Variants in POMT2 observed in about 807,000 individuals in gnomAD.
The protein encoded by POMT2 is protein O-mannosyl-transferase 2.
A neutral mutation model predicts 100.0 loss-of-function variants in POMT2; 75 were observed. The ratio of observed to expected loss-of-function variants is 0.75; its 90% CI spans 0.62 to 0.91. The LOEUF (loss-of-function observed/expected upper bound fraction) is 0.91, where lower values mean the gene tolerates loss of function less well. Among genes scored for constraint, POMT2 ranks in the 40% least tolerant of loss-of-function variants. POMT2 has a pLI of 0.00. For synonymous variants in POMT2, 378 were observed against 374.1 expected, an observed-to-expected ratio of 1.01 and a Z score of -0.12; for missense variants, 940 against 955.1, an observed-to-expected ratio of 0.98 and a Z score of 0.21.
At position 77,278,729 on chromosome 14, in the gene POMT2, C is replaced by T. The variant is rs538101421; in HGVS notation, c.2032G>A (p.Gly678Ser). The change falls in exon 19 of 21, where the codon GGC (glycine) becomes AGC (serine). Residue 678 changes from glycine (G) to serine (S), a missense_variant and splice_region_variant. Transcript: ENST00000261534. ...PAMLFSSMLT[G>S]ILWDTLLRLC... ...CCAAGTCCAGGTGGGTGGCACTGAC[C>T]TGTCAACATGCTTGAGAAGAGCATG... 6.2e-7 allele frequency: 1 copy of T among 1,613,950 alleles called. No individual in the cohort carries two copies. The highest frequency in any genetic ancestry group is 2.2e-5 in the East Asian group (1 of 44,886).
rs1211774089 is a variant in POMT2 at position 77,318,679 on chromosome 14, T to C, written c.248+1755A>G. ...GTGGCCTGCACTCCTCCAAGTAATA[T>C]GTTAGTGTAAGGAAGAATGGGTCAC... On this transcript the variant is annotated intron_variant, in intron 1 of 20. Coordinates refer to ENST00000261534, the MANE Select transcript of POMT2 (RefSeq NM_013382.7). Among the ~76,000 whole-genome samples the C allele has an allele frequency of 2.0e-5, 3 of 151,970 alleles. No homozygotes were observed. The East Asian group carries it at 5.8e-4, about 29-fold the overall frequency.
intron 1 of POMT2, among the ~76,000 whole-genome samples, chr14:77,319,903 G>A (rs189659334): frequency 6.6e-6 from 1 of 152,284 alleles, no homozygotes; most frequent in East Asian, 1.9e-4. Context: ...CCCAGTATCT[G>A]GATAGTACAA....
At chr14:77,284,870 A>G (rs967294978) in intron 14 of POMT2, 80 bp downstream of exon 14, 20 of 1,292,026 alleles carry the variant, frequency 1.5e-5, no homozygotes, top group Non-Finnish European at 1.8e-5. Flanking sequence ...AGCACAGTTT[A>G]CAAACGCTTA....
intron 9 of POMT2, among the ~76,000 whole-genome samples, chr14:77,292,513 C>T (rs1425155628): frequency 6.6e-6 from 1 of 152,136 alleles, no homozygotes; most frequent in African/African-American, 2.4e-5. Context: ...ACCAGGGCCG[C>T]AAAATAAATG....
chr14:77,318,246 C>T (rs1891698295), intron 1 of POMT2, among the ~76,000 whole-genome samples: 1 of 152,140 alleles, frequency 6.6e-6, no homozygotes, highest in Admixed American at 6.6e-5. Flanking sequence ...CAAGCAGCAA[C>T]TGTGGCTGGC....
intron 16 of POMT2, 118 bp downstream of exon 16, chr14:77,280,274 C>G: frequency 1.3e-6 from 2 of 1,565,560 alleles, no homozygotes. Context: ...CTCTGGCCAA[C>G]CCATCCCAGG....
At chr14:77,298,823 GA>G in intron 7 of POMT2, 52 bp from the exon 8 acceptor site, 1 of 1,525,382 alleles carries the variant, frequency 6.6e-7, no homozygotes, top group Non-Finnish European at 9.0e-7. Flanking sequence ...GTGAAAGTGT[GA>G]TTTCCCAGGA....
At position 77,275,003 on chromosome 14, in the gene POMT2, A is replaced by C. The variant is rs535972713; in HGVS notation, c.*2373T>G. On this transcript the variant is annotated 3_prime_UTR_variant, in exon 21 of 21. Transcript: ENST00000261534. ...ATAAAATCAGTGGCTTCTGATTAGAAGACTTTTTTTTTTTAAACCAAATAG... is the reference window on the plus strand; with the variant it reads ...ATAAAATCAGTGGCTTCTGATTAGACGACTTTTTTTTTTTAAACCAAATAG... The C allele has an allele frequency of 7.9e-5, 12 of 152,200 alleles. No homozygotes were observed. Among genetic ancestry groups the C allele is most frequent in the South Asian group, 4.2e-4 (2 of 4,804 alleles). The allele number at this position is 152,200 out of a possible 1,614,324, so 9.4% of individuals were successfully genotyped here.
chr14:77,280,546 T>A, intron 15 of POMT2, 83 bp from the exon 16 acceptor site: 1 of 1,605,234 alleles, frequency 6.2e-7, no homozygotes, highest in Admixed American at 1.7e-5. Context: ...TTTTCTGATA[T>A]AGGGCCAAGC....
rs962303563 is a variant in POMT2 at position 77,296,159 on chromosome 14, C to T, written c.1116+5G>A. ...GCCGTACAAGTGCACAAAAGGCTCA[C>T]TGACCTGCTGCTGACGGGCACCAAT... On this transcript the variant is annotated splice_donor_5th_base_variant and intron_variant, in intron 9 of 20. Coordinates refer to ENST00000261534, the MANE Select transcript of POMT2 (RefSeq NM_013382.7). 5.7e-6 allele frequency: 9 copies of T among 1,592,410 alleles called. No homozygotes were observed. Among genetic ancestry groups the T allele is most frequent in the Non-Finnish European group, 7.7e-6 (9 of 1,169,398 alleles).
chr14:77,308,367 T>TC (rs1208803835), intron 2 of POMT2, among the ~76,000 whole-genome samples: 29 of 150,202 alleles, frequency 1.9e-4, no homozygotes, highest in African/African-American at 6.8e-4. Flanking sequence ...TTTTTTTTTT[T>TC]TTTTTGAGAT....
rs754260882 is a variant in POMT2 at position 77,283,791 on chromosome 14, A to G, written c.1653+6T>C. ...AGACGCCATGAAATGAGAAGGGGAC[A>G]CATACCCGGATCATGACCATGTGGG... On this transcript the variant is annotated splice_donor_region_variant and intron_variant, in intron 15 of 20. Transcript: ENST00000261534. 1 of 1,598,140 alleles carries G rather than the reference A, an allele frequency of 6.3e-7. No individual in the cohort carries two copies. Among genetic ancestry groups the G allele is most frequent in the Admixed American group, 1.7e-5 (1 of 60,000 alleles).
chr14:77,318,531 G>T (rs1165792640), intron 1 of POMT2, among the ~76,000 whole-genome samples: 1 of 152,040 alleles, frequency 6.6e-6, no homozygotes, highest in South Asian at 2.1e-4. Flanking sequence ...CCTTACTTAG[G>T]TTATGCCTTG....
At chr14:77,298,578 C>T in intron 8 of POMT2, 111 bp downstream of exon 8, 1 of 1,130,364 alleles carries the variant, frequency 8.8e-7, no homozygotes, top group Non-Finnish European at 1.3e-6. Flanking sequence ...CTTTCTCCCA[C>T]CGTGCCATCA....
In POMT2 at chr14:77,280,388, C is replaced by T. The variant is rs758851815; in HGVS notation, c.1725+4G>A. 8.1e-6 allele frequency: 13 copies of T among 1,614,040 alleles called. No homozygotes were observed. Among genetic ancestry groups the T allele is most frequent in the South Asian group, 1.1e-5 (1 of 91,086 alleles). ...CTGGGAGGAGCCCCAGCCTTGGATC[C>T]TACCTGATAGTTGATAGGCCAGTGC... is the stretch of plus-strand genomic sequence containing the variant. On this transcript the variant is annotated splice_donor_region_variant and intron_variant, in intron 16 of 20. Coordinates refer to ENST00000261534, the MANE Select transcript of POMT2 (RefSeq NM_013382.7).
rs1197886379 is a variant in POMT2, at chr14:77,277,243, G to A, written c.*133C>T. The stretch of plus-strand genomic sequence containing the variant: ...GTTCCATTCCAGCTGCACTCCCAGA[G>A]CTGGGTCCTGGTGAGCAGCAGAATT... On this transcript the variant is annotated 3_prime_UTR_variant, in exon 21 of 21. Transcript: ENST00000261534. 3 of 766,310 alleles carry A rather than the reference G, an allele frequency of 3.9e-6. No homozygotes were observed. In the African/African-American group the frequency reaches 5.1e-5, roughly 13 times the overall value. The allele number at this position is 766,310 out of a possible 1,614,324, so 47.5% of individuals were successfully genotyped here. A position where few individuals can be genotyped will look rare whatever the true frequency, so the allele number is the denominator to read the frequency against.
chr14:77,290,369 G>A (rs566695600), intron 10 of POMT2, among the ~76,000 whole-genome samples: 21 of 152,202 alleles, frequency 1.4e-4, no homozygotes, highest in Non-Finnish European at 2.1e-4. Flanking sequence ...GCCCAATGGT[G>A]TCGTAATTTA....
In POMT2 at chr14:77,320,438, T is replaced by A. The variant is rs373944477; in HGVS notation, c.244A>T (p.Ile82Phe). The A allele has an allele frequency of 1.3e-6, 2 of 1,546,572 alleles. No individual in the cohort carries two copies. Among genetic ancestry groups the A allele is most frequent in the South Asian group, 2.4e-5 (2 of 84,076 alleles). ...CGAGTCCCTCCCATCACTCACCAGA[T>A]GTGCGGCGGCTCGTCCAAGCGGTGG... is the stretch of plus-strand genomic sequence containing the variant. ...RFHRLDEPPH[I>F]CWDETHFGKM... is the part of the protein sequence containing the mutation. Residue 82 changes from isoleucine (I) to phenylalanine (F), a missense_variant, in exon 1 of 21, where the codon ATC becomes TTC. Coordinates refer to ENST00000261534, the MANE Select transcript of POMT2 (RefSeq NM_013382.7).
intron 2 of POMT2, among the ~76,000 whole-genome samples, chr14:77,307,858 CTTT>C (rs57755259): frequency 4.0e-5 from 4 of 101,218 alleles, no homozygotes; most frequent in East Asian, 2.9e-4. Flanking sequence ...TTAATTTCTT[CTTT>C]TTTTTTTTTT....
Sources: gnomAD v4.1 joint callset for allele counts (sites outside exome capture counted in the v4.1 genomes callset) on GRCh38, gnomAD v4.1.1 for gene constraint, MANE v1.5 for transcripts, NCBI Gene and HGNC (gene_info 2026-07-23, HGNC 2026-07-21) for gene names.